Variants in LRIG1 observed in about 807,000 individuals in gnomAD.
The protein encoded by LRIG1 is leucine-rich repeats and immunoglobulin-like domains protein 1.
A neutral mutation model predicts 99.2 loss-of-function variants in LRIG1; 48 were observed. The ratio of observed to expected loss-of-function variants is 0.48; its 90% CI spans 0.38 to 0.62. The LOEUF is 0.62. LRIG1 is among the 20% of genes least tolerant of loss of function. The pLI is 0.00. For synonymous variants in LRIG1, 772 were observed against 596.1 expected (o/e 1.29, Z -4.30); for missense variants, 1,646 against 1,434.4 (o/e 1.15, Z -2.38).
intron 1 of LRIG1, among the ~76,000 whole-genome samples, chr3:66,467,086 G>A (rs546470326): frequency 6.6e-6 from 1 of 152,250 alleles, no homozygotes; most frequent in South Asian, 2.1e-4. Flanking sequence ...CCTCTGCAGA[G>A]GACAGCTCAA....
At chr3:66,391,956 T>C (rs1701636322) in intron 12 of LRIG1, among the ~76,000 whole-genome samples, 1 of 152,150 alleles carries the variant, frequency 6.6e-6, no homozygotes, top group Non-Finnish European at 1.5e-5. Flanking sequence ...CTATTACCCC[T>C]CTCTTTCCAT....
chr3:66,472,054 C>A (rs968001390), intron 1 of LRIG1, among the ~76,000 whole-genome samples: 1 of 152,082 alleles, frequency 6.6e-6, no homozygotes, highest in Admixed American at 6.5e-5. Context: ...CCTGTAATCC[C>A]AGCACTTTGG....
chr3:66,475,697 G>A (rs3856601), intron 1 of LRIG1, among the ~76,000 whole-genome samples: 136,920 of 152,244 alleles, frequency 0.9, 62,391 homozygotes, highest in East Asian at 1. Flanking sequence ...ATAAGCACAG[G>A]GAGAAAACCA....
chr3:66,411,027 A>C (rs747053243), intron 6 of LRIG1, among the ~76,000 whole-genome samples: 1 of 152,220 alleles, frequency 6.6e-6, no homozygotes. Flanking sequence ...CACATCTACT[A>C]ACATGGAGAT....
At chr3:66,406,020 C>A (rs1471019773) in intron 8 of LRIG1, 2 of 988,824 alleles carry the variant, frequency 2.0e-6, no homozygotes, top group Non-Finnish European at 2.4e-6. Flanking sequence ...CCCTCTCCAA[C>A]TTTCCACAAG....
chr3:66,468,939 A>G (rs1034960063), intron 1 of LRIG1: 2 of 152,268 alleles, frequency 1.3e-5, no homozygotes, highest in Non-Finnish European at 2.9e-5. Context: ...GTTTTATAAA[A>G]GAGAATAAGA....
At chr3:66,388,795 TTTTTA>T (rs1389559451) in intron 12 of LRIG1, among the ~76,000 whole-genome samples, 1 of 152,210 alleles carries the variant, frequency 6.6e-6, no homozygotes, top group African/African-American at 2.4e-5. Flanking sequence ...CATTCCGATG[TTTTTA>T]TTTTAAACAC....
intron 3 of LRIG1, among the ~76,000 whole-genome samples, chr3:66,448,588 G>GT (rs1703800044): frequency 1.3e-5 from 2 of 152,166 alleles, no homozygotes; most frequent in Non-Finnish European, 2.9e-5. Flanking sequence ...GAGAAAAAAA[G>GT]TAACGTATGT....
At chr3:66,434,899 A>T (rs1703301431) in intron 3 of LRIG1, among the ~76,000 whole-genome samples, 1 of 151,980 alleles carries the variant, frequency 6.6e-6, no homozygotes. Flanking sequence ...TAAACATGCA[A>T]CTCCCATATG....
rs1249741112 is a variant in LRIG1 at position 66,404,499 on chromosome 3, A to T, written c.1160+699T>A. 4 of 988,270 alleles carry T rather than the reference A, an allele frequency of 4.0e-6. No homozygotes were observed. In the Admixed American group the frequency reaches 1.3e-4, roughly 33 times the overall value. 61.2% of individuals were successfully genotyped at this position (988,270 alleles called of 1,614,324 possible). A position where few individuals can be genotyped will look rare whatever the true frequency, so the allele number is the denominator to read the frequency against. On this transcript the variant is annotated intron_variant, in intron 9 of 18. Coordinates refer to ENST00000273261, the MANE Select transcript of LRIG1 (RefSeq NM_015541.3). ...GAGAAAACAGGGCGGGCCAAGGGGA[A>T]GGGAACGTGGGCTTTGGAGCCAAAC...
rs1575643312 is a variant in LRIG1, at chr3:66,383,299, G to C, written c.2174C>G (p.Thr725Ser). The part of the protein sequence containing the change: ...KATGNPPPRI[T>S]WFKGDRPLSL... ...CAGCGGGCGGTCCCCCTTGAACCAG[G>C]TGATGCGGGGCGGAGGGTTCCCCGT... is the stretch of plus-strand genomic sequence containing the variant. The change falls in exon 15 of 19, where the codon ACC (threonine) becomes AGC (serine). Residue 725 changes from threonine (T) to serine (S), a missense_variant. By Grantham distance (58) the Thr-to-Ser change is moderately conservative. Transcript: ENST00000273261. 1 of 1,610,484 alleles carries C rather than the reference G, an allele frequency of 6.2e-7. No individual in the cohort carries two copies. The highest frequency in any genetic ancestry group is 8.5e-7 in the Non-Finnish European group (1 of 1,176,950).
chr3:66,385,753 A>G (rs1351169437), intron 13 of LRIG1, among the ~76,000 whole-genome samples: 1 of 152,214 alleles, frequency 6.6e-6, no homozygotes, highest in Non-Finnish European at 1.5e-5. Flanking sequence ...CACCCGGCCA[A>G]TAACTAGATT....
intron 3 of LRIG1, among the ~76,000 whole-genome samples, chr3:66,447,624 T>C (rs910078954): frequency 1.1e-4 from 17 of 152,186 alleles, no homozygotes; most frequent in African/African-American, 4.1e-4. Context: ...GCTGGAGAAG[T>C]TGTTAGGTAG....
chr3:66,480,707 C>T (rs1220193870), intron 1 of LRIG1, among the ~76,000 whole-genome samples: 6 of 152,186 alleles, frequency 3.9e-5, no homozygotes, highest in African/African-American at 1.2e-4. Flanking sequence ...ATGCAGAAAA[C>T]CTCAGCTAGA....
chr3:66,430,149 C>T (rs1328126868), intron 3 of LRIG1, among the ~76,000 whole-genome samples: 2 of 150,856 alleles, frequency 1.3e-5, no homozygotes, highest in African/African-American at 2.5e-5. Context: ...AACCAAGGAA[C>T]ATTACTCAGG....
In LRIG1 at chr3:66,465,317, T is replaced by G. The variant is rs79679258; in HGVS notation, c.219-2808A>C. Among the ~76,000 whole-genome samples, 3 of 152,140 alleles carry G rather than the reference T, an allele frequency of 2.0e-5. No individual in the cohort carries two copies. In the South Asian group the frequency reaches 6.2e-4, roughly 32 times the overall value. On this transcript the variant is annotated intron_variant, in intron 1 of 18. Transcript: ENST00000273261. The stretch of plus-strand genomic sequence containing the variant: ...ATGAAATAAAATCCTCAGAGACACT[T>G]TCTTGTTGGCCCAATTCAAGAAGAC...
intron 3 of LRIG1, among the ~76,000 whole-genome samples, chr3:66,448,147 A>G (rs1703787324): frequency 6.6e-6 from 1 of 152,248 alleles, no homozygotes; most frequent in African/African-American, 2.4e-5. Context: ...TCCTTTAATC[A>G]GAAAGTATTA....
intron 1 of LRIG1, among the ~76,000 whole-genome samples, chr3:66,488,530 G>A (rs1701027841): frequency 6.6e-6 from 1 of 151,908 alleles, no homozygotes; most frequent in African/African-American, 2.4e-5. Context: ...CCAGCTCTTT[G>A]GGAGGCTGAG....
At chr3:66,483,335 A>G (rs950372810) in intron 1 of LRIG1, among the ~76,000 whole-genome samples, 4 of 152,180 alleles carry the variant, frequency 2.6e-5, no homozygotes, top group African/African-American at 9.6e-5. Flanking sequence ...GTGGGGGCCA[A>G]TGTCTCACAT....
Sources: gnomAD v4.1 joint callset for allele counts (sites outside exome capture counted in the v4.1 genomes callset) on GRCh38, gnomAD v4.1.1 for gene constraint, MANE v1.5 for transcripts, NCBI Gene and HGNC (gene_info 2026-07-23, HGNC 2026-07-21) for gene names.